The following DPP4 variants were observed in gnomAD, a reference collection of about 807,000 sequenced individuals.
The protein encoded by DPP4 is ADCP-2.
A neutral mutation model predicts 122.4 loss-of-function variants in DPP4; 93 were observed. That is an observed-to-expected ratio of 0.76 (90% CI 0.64 to 0.90). The LOEUF (loss-of-function observed/expected upper bound fraction) is 0.90, where lower values mean the gene tolerates loss of function less well. Ranked by LOEUF, DPP4 falls within the 40% of genes least tolerant of loss-of-function variation. The probability of loss-of-function intolerance (pLI) is 0.00; values close to 1 mark genes in which losing one functional copy is unlikely to be tolerated. For synonymous variants in DPP4, 321 were observed against 302.9 expected (o/e 1.06, Z -0.62); for missense variants, 914 against 907.3 (o/e 1.01, Z -0.09).
intron 2 of DPP4, among the ~76,000 whole-genome samples, chr2:162,062,952 T>C (rs939752387): frequency 6.6e-6 from 1 of 151,606 alleles, no homozygotes; most frequent in African/African-American, 2.4e-5. Flanking sequence ...AATCACCTTG[T>C]CTGTTGTGTT....
intron 2 of DPP4, among the ~76,000 whole-genome samples, chr2:162,054,622 G>C (rs1258706514): frequency 6.6e-6 from 1 of 152,160 alleles, no homozygotes; most frequent in African/African-American, 2.4e-5. Context: ...AAAAGGGCTG[G>C]AGGGAACTAG....
chr2:162,040,910 A>C (rs1683961506), intron 5 of DPP4, among the ~76,000 whole-genome samples: 1 of 152,106 alleles, frequency 6.6e-6, no homozygotes, highest in African/African-American at 2.4e-5. Flanking sequence ...GTTCTGAAAA[A>C]TAAAGTGATA....
intron 23 of DPP4, among the ~76,000 whole-genome samples, chr2:161,999,568 C>T (rs923032804): frequency 2.0e-5 from 3 of 152,212 alleles, no homozygotes; most frequent in Non-Finnish European, 4.4e-5. Context: ...GGTCCAGTGG[C>T]AGTGCCGACT....
In DPP4 at chr2:162,017,121, G is replaced by C; in HGVS notation, c.1455C>G (p.Ser485Arg). 6.2e-7 allele frequency: 1 copy of C among 1,611,956 alleles called. No homozygotes were observed. Among genetic ancestry groups the C allele is most frequent in the Non-Finnish European group, 8.5e-7 (1 of 1,179,660 alleles). Residue 485 changes from serine (S) to arginine (R), a missense_variant, in exon 17 of 26, where the codon AGC becomes AGG. Physicochemically the swap from Ser to Arg is moderately radical, Grantham distance 110. Coordinates refer to ENST00000360534, the MANE Select transcript of DPP4 (RefSeq NM_001935.4). ...ATGAGAAAATACCTTTATCATTCAC[G>C]CTGCTGTGTAGAGTATAGAGGGGCA... The part of the protein sequence containing the change: ...PGLPLYTLHS[S>R]VNDKGLRVLE...
In DPP4 at chr2:162,055,267, C is replaced by G. The variant is rs141068782; in HGVS notation, c.95-7766G>C. 1.0e-3 allele frequency among the ~76,000 whole-genome samples: 157 copies of G among 152,262 alleles called. 1 individual carries two copies. Among genetic ancestry groups the G allele is most frequent in the African/African-American group, 3.2e-3 (132 of 41,542 alleles). On this transcript the variant is annotated intron_variant, in intron 2 of 25. Transcript: ENST00000360534. The stretch of plus-strand genomic sequence containing the variant: ...CCATAGCCTCCATATTGGAAGTCAG[C>G]AGTTTTCAGTATGAAGGGAAAATAT...
intron 4 of DPP4, among the ~76,000 whole-genome samples, chr2:162,046,065 A>AT (rs1299789304): frequency 1.3e-5 from 2 of 152,242 alleles, no homozygotes; most frequent in Non-Finnish European, 2.9e-5. Flanking sequence ...AACTAGATCT[A>AT]TTTTTTTGCA....
intron 23 of DPP4, among the ~76,000 whole-genome samples, chr2:161,997,995 G>A (rs1311059300): frequency 6.6e-6 from 1 of 152,170 alleles, no homozygotes; most frequent in East Asian, 1.9e-4. Flanking sequence ...TTAATTAACT[G>A]TCCTGGAATT....
rs1452402529 is a variant in DPP4 at position 162,005,756 on chromosome 2, C to G, written c.2041G>C (p.Asp681His). 3.7e-6 allele frequency: 6 copies of G among 1,612,748 alleles called. No homozygotes were observed. The highest frequency in any genetic ancestry group is 5.1e-6 in the Non-Finnish European group (6 of 1,179,400). Residue 681 changes from aspartate to histidine, a missense_variant, in exon 23 of 26, where the codon GAC (aspartate) becomes CAC (histidine). By Grantham distance (81) the Asp-to-His change is moderately conservative. Transcript: ENST00000360534. ...MGLPTPEDNL[D>H]HYRNSTVMSR... The stretch of plus-strand genomic sequence containing the variant: ...TCCTCATCTCTTACTCTGTAATGGT[C>G]AAGGTTGTCTTCTGGAGTTGGGAGA...
At chr2:162,057,766 A>G (rs1684625018) in intron 2 of DPP4, among the ~76,000 whole-genome samples, 1 of 152,038 alleles carries the variant, frequency 6.6e-6, no homozygotes, top group Admixed American at 6.5e-5. Context: ...CTCTGCTGAA[A>G]TATCTAGTGT....
chr2:162,044,645 G>C (rs941098854), intron 5 of DPP4, among the ~76,000 whole-genome samples: 5 of 152,082 alleles, frequency 3.3e-5, no homozygotes, highest in African/African-American at 9.7e-5. Context: ...TCCTATACTT[G>C]AACAACTTGT....
Position 162,016,800 on chromosome 2 carries a change from T to G in DPP4, c.1535A>C (p.Lys512Thr). Reference sequence around the variant, plus strand: ...ATTCAAAATAATGAAGTCCAGTTTTTTGGAGGGCATCTGGACATTCTGCAG... The same window carrying G: ...ATTCAAAATAATGAAGTCCAGTTTTGTGGAGGGCATCTGGACATTCTGCAG... ...KMLQNVQMPS[K>T]KLDFIILNET... Residue 512 changes from lysine (K) to threonine (T), a missense_variant, in exon 18 of 26, where the codon AAA becomes ACA. By Grantham distance (78) the Lys-to-Thr change is moderately conservative (BLOSUM62 -1). Transcript: ENST00000360534. 6.2e-7 allele frequency: 1 copy of G among 1,612,846 alleles called. No homozygotes were observed. Among genetic ancestry groups the G allele is most frequent in the East Asian group, 2.2e-5 (1 of 44,858 alleles).
rs1348098709 is a variant in DPP4 at position 162,060,807 on chromosome 2, T to C, written c.94+12592A>G. Among the ~76,000 whole-genome samples the C allele has an allele frequency of 3.3e-5, 5 of 152,270 alleles. No individual in the cohort carries two copies. In the East Asian group the frequency reaches 9.7e-4, roughly 29 times the overall value. ...TCTATGACTCAGATGCTTGTCCTCTTGTTCCCAAGGGATTTTTTTAAAATC... is the reference window on the plus strand; with the variant it reads ...TCTATGACTCAGATGCTTGTCCTCTCGTTCCCAAGGGATTTTTTTAAAATC... On this transcript the variant is annotated intron_variant, in intron 2 of 25. Coordinates refer to ENST00000360534, the MANE Select transcript of DPP4 (RefSeq NM_001935.4).
intron 5 of DPP4, among the ~76,000 whole-genome samples, chr2:162,042,707 T>C (rs187025586): frequency 1.8e-3 from 275 of 152,252 alleles, no homozygotes; most frequent in African/African-American, 6.3e-3. Flanking sequence ...CAATAAAACA[T>C]GTATTCATTT....
chr2:162,022,908 T>C, intron 11 of DPP4, 109 bp from the exon 12 acceptor site: 12 of 1,050,202 alleles, frequency 1.1e-5, no homozygotes, highest in Non-Finnish European at 1.6e-5. Flanking sequence ...AACTGAGAGC[T>C]ATCTCCATTC....
chr2:162,029,657 C>G (rs1403160597), intron 10 of DPP4, among the ~76,000 whole-genome samples: 1 of 152,198 alleles, frequency 6.6e-6, no homozygotes. Context: ...AGAGAAGACA[C>G]AGCAAGACTT....
intron 13 of DPP4, 119 bp from the exon 14 acceptor site, chr2:162,020,415 T>C: frequency 9.1e-7 from 1 of 1,095,166 alleles, no homozygotes; most frequent in South Asian, 1.6e-5. Context: ...ATTTTCTTGT[T>C]GGGTTTCCCC....
chr2:162,011,242 A>G (rs1682697993), intron 20 of DPP4, among the ~76,000 whole-genome samples: 1 of 152,098 alleles, frequency 6.6e-6, no homozygotes, highest in South Asian at 2.1e-4. Flanking sequence ...CAAGAATGAG[A>G]TGTGGTTCAT....
intron 5 of DPP4, among the ~76,000 whole-genome samples, chr2:162,040,385 A>AAT (rs36066702): frequency 0.069 from 10,551 of 152,214 alleles, 544 homozygotes; most frequent in Middle Eastern, 0.18. Context: ...TGATAAGAAG[A>AAT]ATGAGCTATT....
intron 5 of DPP4, among the ~76,000 whole-genome samples, chr2:162,040,890 A>G (rs1458752179): frequency 6.6e-6 from 1 of 151,988 alleles, no homozygotes; most frequent in Non-Finnish European, 1.5e-5. Context: ...TTTTCTATAA[A>G]CCTAAAGCTG....
Sources: gnomAD v4.1 joint callset for allele counts (sites outside exome capture counted in the v4.1 genomes callset) on GRCh38, gnomAD v4.1.1 for gene constraint, MANE v1.5 for transcripts, NCBI Gene and HGNC (gene_info 2026-07-23, HGNC 2026-07-21) for gene names.